Variants in UBE3B observed in about 807,000 individuals in gnomAD.
The protein encoded by UBE3B is ubiquitin protein ligase E3B.
Under a neutral mutation model 132.3 loss-of-function variants are expected in UBE3B, and 80 were observed. That is an observed-to-expected ratio of 0.60 (90% confidence interval 0.50 to 0.73). The LOEUF (loss-of-function observed/expected upper bound fraction) is 0.73. Among genes scored for constraint, UBE3B ranks in the 30% least tolerant of loss-of-function variants. UBE3B has a pLI of 0.00. For synonymous variants in UBE3B, 487 were observed against 520.4 expected (o/e 0.94, Z 0.87); for missense variants, 1,196 against 1,362.5 (o/e 0.88, Z 1.92).
intron 8 of UBE3B, chr12:109,490,235 C>T: frequency 1.1e-6 from 1 of 938,906 alleles, no homozygotes; most frequent in South Asian, 1.5e-5. Flanking sequence ...TTTTTGGCTG[C>T]AAGGGTAATC....
At chr12:109,544,541 C>A in the UBE3B span, among the ~76,000 whole-genome samples, 3 of 152,290 alleles carry the variant, frequency 2.0e-5, no homozygotes, top group Middle Eastern at 3.4e-3. Context: ...AAGCTTCTAA[C>A]TGACAATCTT....
chr12:109,479,427 C>T (rs1255968704), intron 1 of UBE3B, among the ~76,000 whole-genome samples: 1 of 152,066 alleles, frequency 6.6e-6, no homozygotes, highest in African/African-American at 2.4e-5. Flanking sequence ...CTATTATTAC[C>T]CTCGATTTAC....
intron 15 of UBE3B, 122 bp from the exon 16 acceptor site, chr12:109,509,474 A>T: frequency 1.6e-6 from 1 of 616,158 alleles, no homozygotes; most frequent in Non-Finnish European, 2.8e-6. Flanking sequence ...TTTTACAGTA[A>T]GTATCTCTAC....
chr12:109,541,604 CATTGGCTCCTAT>C (rs1046540684), downstream of UBE3B, among the ~76,000 whole-genome samples: 63 of 152,228 alleles, frequency 4.1e-4, no homozygotes, highest in African/African-American at 1.5e-3. Flanking sequence ...AAAACAATTC[CATTGGCTCCTAT>C]ATTGGTTTCC....
At chr12:109,498,404 C>T in intron 11 of UBE3B, 51 bp downstream of exon 11, 4 of 1,588,238 alleles carry the variant, frequency 2.5e-6, no homozygotes, top group Non-Finnish European at 3.4e-6. Flanking sequence ...CAGGGAAAGC[C>T]CGAGTGTTTT....
intron 18 of UBE3B, among the ~76,000 whole-genome samples, chr12:109,514,438 C>T (rs1880750970): frequency 6.6e-6 from 1 of 152,174 alleles, no homozygotes; most frequent in African/African-American, 2.4e-5. Context: ...TCTTCCATGC[C>T]CCATAGAAAT....
chr12:109,482,664 A>T (rs1487270743), intron 2 of UBE3B, among the ~76,000 whole-genome samples: 2 of 152,222 alleles, frequency 1.3e-5, no homozygotes, highest in Non-Finnish European at 2.9e-5. Flanking sequence ...TAAAGAAATC[A>T]TCTCAATATG....
chr12:109,479,482 A>G (rs924896524), intron 1 of UBE3B, among the ~76,000 whole-genome samples: 2 of 152,344 alleles, frequency 1.3e-5, no homozygotes, highest in African/African-American at 4.8e-5. Context: ...ACTTGGCCAA[A>G]TGTCGGATAG....
intron 9 of UBE3B, chr12:109,491,747 G>A (rs1877494266): frequency 6.6e-6 from 1 of 152,292 alleles, no homozygotes; most frequent in African/African-American, 2.4e-5. Flanking sequence ...ATCCTGGAAG[G>A]AAGAGTGTCA....
At chr12:109,518,086 C>T in intron 19 of UBE3B, 1 of 291,024 alleles carries the variant, frequency 3.4e-6, no homozygotes. Context: ...CTGAGTGGGT[C>T]TCATTACAGG....
At chr12:109,514,962 G>A (rs374276396) in intron 18 of UBE3B, among the ~76,000 whole-genome samples, 2 of 151,316 alleles carry the variant, frequency 1.3e-5, no homozygotes, top group South Asian at 4.2e-4. Context: ...CGCCCAGGCT[G>A]GAGTGCAGTG....
intron 9 of UBE3B, 166 bp downstream of exon 9, chr12:109,491,293 C>T (rs1191624797): frequency 5.9e-6 from 3 of 504,846 alleles, no homozygotes; most frequent in Non-Finnish European, 6.8e-6. Context: ...ACTGCTCAAA[C>T]TTTTTCTTAA....
chr12:109,515,648 C>G (rs571103016), intron 18 of UBE3B, among the ~76,000 whole-genome samples: 1 of 152,198 alleles, frequency 6.6e-6, no homozygotes, highest in Non-Finnish European at 1.5e-5. Context: ...GGATTACAGG[C>G]GTGAGCCACT....
At chr12:109,491,931 T>C (rs550301464) in intron 9 of UBE3B, 50 of 152,356 alleles carry the variant, frequency 3.3e-4, no homozygotes, top group African/African-American at 1.2e-3. Context: ...GCCTTGTTTT[T>C]TGGATGCCGT....
At chr12:109,513,402 A>G (rs982111294) in intron 18 of UBE3B, among the ~76,000 whole-genome samples, 1 of 152,188 alleles carries the variant, frequency 6.6e-6, no homozygotes, top group African/African-American at 2.4e-5. Flanking sequence ...ATGAGATTGC[A>G]CTACATTCTT....
chr12:109,516,791 T>G lies in UBE3B; in HGVS notation c.1983T>G (p.Val661=), dbSNP rs1387169011. ...GAGTTCTACTGTTTCGAACCATGGT[T>G]ACCAAGGAGAAGGAGAAACTGGGGC... ...KNRVLLFRTM[V]TKEKEKLGLV... Residue 661 remains valine (V), a synonymous_variant, in exon 19 of 28, where the codon GTT becomes GTG. Coordinates refer to ENST00000342494, the MANE Select transcript of UBE3B (RefSeq NM_130466.4). The G allele has an allele frequency of 1.2e-6, 2 of 1,613,902 alleles. No homozygotes were observed. The highest frequency in any genetic ancestry group is 2.7e-5 in the African/African-American group (2 of 74,898).
At chr12:109,493,647 G>T (rs1027399017) in intron 9 of UBE3B, among the ~76,000 whole-genome samples, 1 of 152,160 alleles carries the variant, frequency 6.6e-6, no homozygotes, top group African/African-American at 2.4e-5. Flanking sequence ...ACCTTTTAAA[G>T]TAAGATATCA....
rs117369894 is a variant in UBE3B, at chr12:109,521,255, C to G, written c.2184C>G (p.Asp728Glu). Residue 728 changes from aspartate (D) to glutamate (E), a missense_variant, in exon 20 of 28, where the codon GAC becomes GAG. Coordinates refer to ENST00000342494, the MANE Select transcript of UBE3B (RefSeq NM_130466.4). The surrounding 1 kb of genome is among the most constrained non-coding windows in gnomAD (Gnocchi z 4.2). ...TGGACGAAGCAGGGATTGATCAAGA[C>G]GGTGTTTTTAAGGAGTTCTTGGAAG... ...LGVDEAGIDQDGVFKEFLEEI... is the reference protein window; with the variant it reads ...LGVDEAGIDQEGVFKEFLEEI... The G allele has an allele frequency of 3.7e-6, 6 of 1,614,062 alleles. No individual in the cohort carries two copies. Among genetic ancestry groups the G allele is most frequent in the Non-Finnish European group, 5.1e-6 (6 of 1,180,040 alleles).
Position 109,483,917 on chromosome 12 carries a change from C to T in UBE3B, c.218C>T (p.Ala73Val), listed in dbSNP as rs1432546821. 6.2e-7 allele frequency: 1 copy of T among 1,614,052 alleles called. No homozygotes were observed. Among genetic ancestry groups the T allele is most frequent in the Non-Finnish European group, 8.5e-7 (1 of 1,179,968 alleles). The change falls in exon 4 of 28, where the codon GCA becomes GTA. Residue 73 changes from alanine (A) to valine (V), a missense_variant. By Grantham distance (64) the Ala-to-Val change is moderately conservative. Coordinates refer to ENST00000342494, the MANE Select transcript of UBE3B (RefSeq NM_130466.4). ...GACCCTGAGTCCACTAAAAGAAGTG[C>T]ACTTTGTATTTTCAAGATTGCCAGG... ...ADDPESTKRSALCIFKIARKL... is the reference protein window; with the variant it reads ...ADDPESTKRSVLCIFKIARKL...
Sources: gnomAD v4.1 joint callset for allele counts (sites outside exome capture counted in the v4.1 genomes callset) on GRCh38, gnomAD v4.1.1 for gene constraint, Gnocchi (gnomAD v3.1) non-coding constraint, MANE v1.5 for transcripts, NCBI Gene and HGNC (gene_info 2026-07-23, HGNC 2026-07-21) for gene names.